Variants in MBD5 observed in about 807,000 individuals in gnomAD.
MBD5 encodes the protein methyl-CpG binding domain protein 5, also known as methyl-CpG-binding domain protein 5.
In MBD5, 13 loss-of-function variants were observed where a neutral mutation model predicts 117.3. The ratio of observed to expected loss-of-function variants is 0.11; its 90% CI spans 0.07 to 0.18. The LOEUF (loss-of-function observed/expected upper bound fraction) is 0.18, where lower values mean the gene tolerates loss of function less well. Among genes scored for constraint, MBD5 ranks in the 10% least tolerant of loss-of-function variants. The pLI, the probability that MBD5 is intolerant of heterozygous loss-of-function variation, is 1.00. For missense variants in MBD5, 1,879 were observed against 2,093.8 expected, an observed-to-expected ratio of 0.90 and a Z score of 2.00; for synonymous variants, 727 against 766.4, an observed-to-expected ratio of 0.95 and a Z score of 0.85.
chr2:148,318,947 C>T (rs1027074457), intron 3 of MBD5, among the ~76,000 whole-genome samples: 1 of 152,104 alleles, frequency 6.6e-6, no homozygotes, highest in African/African-American at 2.4e-5. Flanking sequence ...AACTCCTGGC[C>T]TCAAGTGATC....
At chr2:148,127,745 C>T (rs1696938400) in intron 1 of MBD5, among the ~76,000 whole-genome samples, 1 of 152,082 alleles carries the variant, frequency 6.6e-6, no homozygotes, top group African/African-American at 2.4e-5. Context: ...TGGGTATATA[C>T]CCAGTAATGG....
Position 148,469,108 on chromosome 2 carries a change from G to T in MBD5, c.1165G>T (p.Val389Leu). The T allele has an allele frequency of 1.2e-6, 2 of 1,613,948 alleles. No individual in the cohort carries two copies. Among genetic ancestry groups the T allele is most frequent in the Non-Finnish European group, 1.7e-6 (2 of 1,179,938 alleles). ...TSFHSNVHSQ[V>L]PMMNVSMPPA... Reference sequence around the variant, plus strand: ...TTTCCATTCAAATGTCCACTCTCAGGTACCTATGATGAATGTAAGCATGCC... The same window carrying T: ...TTTCCATTCAAATGTCCACTCTCAGTTACCTATGATGAATGTAAGCATGCC... Residue 389 changes from valine to leucine, a missense_variant, in exon 8 of 14, where the codon GTA becomes TTA. Transcript: ENST00000642680.
chr2:148,395,775 C>T (rs1211692837), intron 4 of MBD5, among the ~76,000 whole-genome samples: 1 of 152,096 alleles, frequency 6.6e-6, no homozygotes, highest in African/African-American at 2.4e-5. Context: ...ACGTGTATGC[C>T]TAATGTTAGT....
intron 4 of MBD5, among the ~76,000 whole-genome samples, chr2:148,447,236 G>GAAA (rs1559075780): frequency 1.8e-4 from 24 of 134,076 alleles, no homozygotes; most frequent in African/African-American, 7.6e-4. Flanking sequence ...AGAAAGAAAG[G>GAAA]GAAAGGAGGG....
intron 2 of MBD5, among the ~76,000 whole-genome samples, chr2:148,179,936 G>A (rs1307802506): frequency 6.6e-6 from 1 of 151,952 alleles, no homozygotes; most frequent in Non-Finnish European, 1.5e-5. Context: ...ATTTTTAAAT[G>A]TCAGCATAAA....
chr2:148,327,112 A>C (rs1052506502), intron 3 of MBD5, among the ~76,000 whole-genome samples: 13 of 151,984 alleles, frequency 8.6e-5, no homozygotes, highest in Non-Finnish European at 1.6e-4. Flanking sequence ...GTTTGGCTGG[A>C]TATGAAATTC....
intron 3 of MBD5, among the ~76,000 whole-genome samples, chr2:148,295,163 AC>A (rs1574251921): frequency 6.6e-6 from 1 of 152,004 alleles, no homozygotes; most frequent in South Asian, 2.1e-4. Flanking sequence ...TCCTTCTGGT[AC>A]CCCTCTTATG....
chr2:148,469,095 T>C lies in MBD5; in HGVS notation c.1152T>C (p.Asn384=), dbSNP rs772626001. The C allele has an allele frequency of 1.1e-5, 18 of 1,614,098 alleles. 1 individual carries two copies. The South Asian group carries it at 2.0e-4, about 18-fold the overall frequency. ...TTAATCCAACCAGTTTCCATTCAAA[T>C]GTCCACTCTCAGGTACCTATGATGA... ...VIINPTSFHS[N]VHSQVPMMNV... The change falls in exon 8 of 14, where the codon AAT becomes AAC. Residue 384 remains asparagine (N), a synonymous_variant. Transcript: ENST00000642680.
At chr2:148,420,754 C>T (rs1378671703) in intron 4 of MBD5, among the ~76,000 whole-genome samples, 2 of 150,320 alleles carry the variant, frequency 1.3e-5, no homozygotes, top group African/African-American at 4.9e-5. Flanking sequence ...GTGACAAGGT[C>T]TCACTCTGTT....
rs1487086136 is a variant in MBD5, at chr2:148,021,673, G to A, written c.-936G>A. The A allele has an allele frequency of 1.0e-5, 4 of 385,700 alleles. No homozygotes were observed. The highest frequency in any genetic ancestry group is 6.5e-5 in the East Asian group (1 of 15,344). 23.9% of individuals were successfully genotyped at this position (385,700 alleles called of 1,614,324 possible). A position where few individuals can be genotyped will look rare whatever the true frequency, so the allele number is the denominator to read the frequency against. On this transcript the variant is annotated 5_prime_UTR_variant, in exon 1 of 14. Coordinates refer to ENST00000642680, the MANE Select transcript of MBD5 (RefSeq NM_001378120.1). ...CTCCAGGGAAGGCACTCAAAAGTGG[G>A]GGGCAGGAAAGGTAAGTGTGTCTGT...
At chr2:148,385,929 T>A (rs1451221238) in intron 4 of MBD5, among the ~76,000 whole-genome samples, 1 of 118,274 alleles carries the variant, frequency 8.5e-6, no homozygotes, top group African/African-American at 3.3e-5. Flanking sequence ...ATGGACACGG[T>A]AAGGGGAACA....
intron 10 of MBD5, among the ~76,000 whole-genome samples, chr2:148,487,852 C>G (rs1681388804): frequency 6.6e-6 from 1 of 152,166 alleles, no homozygotes; most frequent in South Asian, 2.1e-4. Context: ...ACTTCAAATA[C>G]ACACAACAAA....
chr2:148,458,115 A>G (rs1706942268), intron 4 of MBD5, 88 bp from the exon 5 acceptor site: 1 of 394,594 alleles, frequency 2.5e-6, no homozygotes, highest in Non-Finnish European at 4.5e-6. Context: ...GATTGGGTAC[A>G]CTTCGTAGTT....
At chr2:148,292,833 GC>G (rs1015599128) in intron 3 of MBD5, among the ~76,000 whole-genome samples, 7 of 151,500 alleles carry the variant, frequency 4.6e-5, no homozygotes, top group Non-Finnish European at 7.4e-5. Context: ...GTGTTCATCA[GC>G]AGATGAATGG....
At chr2:148,116,077 C>G (rs1281065592) in intron 1 of MBD5, among the ~76,000 whole-genome samples, 1 of 152,020 alleles carries the variant, frequency 6.6e-6, no homozygotes, top group Non-Finnish European at 1.5e-5. Context: ...CTCCTAGGCT[C>G]AAGCCATCCG....
intron 2 of MBD5, among the ~76,000 whole-genome samples, chr2:148,225,825 T>C (rs2167127): frequency 0.63 from 95,366 of 152,052 alleles, 29,948 homozygotes; most frequent in East Asian, 0.71. Flanking sequence ...TGCTGTCAGA[T>C]ATATTGGAAC....
intron 4 of MBD5, among the ~76,000 whole-genome samples, chr2:148,456,708 C>T (rs1706894567): frequency 6.6e-6 from 1 of 152,102 alleles, no homozygotes; most frequent in Non-Finnish European, 1.5e-5. Context: ...GGAATTGCTA[C>T]TACTTGGTAC....
At chr2:148,180,593 T>G (rs1396273657) in intron 2 of MBD5, among the ~76,000 whole-genome samples, 1 of 151,894 alleles carries the variant, frequency 6.6e-6, no homozygotes, top group Non-Finnish European at 1.5e-5. Flanking sequence ...TACAGTGGCA[T>G]AATCATGGGT....
intron 4 of MBD5, among the ~76,000 whole-genome samples, chr2:148,406,140 A>G (rs1196089552): frequency 1.3e-5 from 2 of 152,120 alleles, no homozygotes; most frequent in African/African-American, 4.8e-5. Context: ...GTTGCAGTAA[A>G]CCAAGATTGT....
Sources: gnomAD v4.1 joint callset for allele counts (sites outside exome capture counted in the v4.1 genomes callset) on GRCh38, gnomAD v4.1.1 for gene constraint, MANE v1.5 for transcripts, NCBI Gene and HGNC (gene_info 2026-07-23, HGNC 2026-07-21) for gene names.